SOX6: variants seen among roughly 807,000 people sequenced by gnomAD.
SOX6 encodes the protein transcription factor SOX-6.
SOX6 carries 11 observed loss-of-function variants against 97.8 expected under a neutral mutation model. The observed-to-expected ratio is 0.11, with a 90% CI of 0.07 to 0.19. The LOEUF is 0.19. SOX6 is among the 10% of genes least tolerant of loss of function. The pLI, the probability that SOX6 is intolerant of heterozygous loss-of-function variation, is 1.00. For synonymous variants in SOX6, 360 were observed against 371.4 expected, an observed-to-expected ratio of 0.97 and a Z score of 0.35; for missense variants, 810 against 1,039.5, an observed-to-expected ratio of 0.78 and a Z score of 3.04.
chr11:16,177,744 A>T (rs1851238392), intron 6 of SOX6, among the ~76,000 whole-genome samples: 1 of 145,252 alleles, frequency 6.9e-6, no homozygotes, highest in African/African-American at 2.5e-5. Context: ...AGGATCAAGG[A>T]AAAAAAAAAT....
intron 13 of SOX6, 105 bp from the exon 14 acceptor site, chr11:15,989,335 CTTCTT>C: frequency 1.2e-6 from 1 of 858,112 alleles, no homozygotes; most frequent in Non-Finnish European, 1.8e-6. Flanking sequence ...AGGTCCTCCT[CTTCTT>C]TTCTAAGTGA....
At chr11:16,231,057 T>C (rs1852832841) in intron 4 of SOX6, among the ~76,000 whole-genome samples, 3 of 151,726 alleles carry the variant, frequency 2.0e-5, no homozygotes, top group African/African-American at 4.8e-5. Flanking sequence ...ATTATATAGG[T>C]AAGTGTTTAA....
chr11:16,619,315 G>A (rs11023997), intron 3 of SOX6, among the ~76,000 whole-genome samples: 559 of 150,604 alleles, frequency 3.7e-3, no homozygotes, highest in Non-Finnish European at 7.0e-3. Context: ...CAGGCACCAT[G>A]CTCTGTGCTT....
intron 6 of SOX6, among the ~76,000 whole-genome samples, chr11:16,157,366 A>G (rs1850630287): frequency 6.6e-6 from 1 of 151,868 alleles, no homozygotes; most frequent in Admixed American, 6.6e-5. Flanking sequence ...TCTAACTCAG[A>G]CTCAATTTAC....
chr11:16,654,900 G>C (rs1206124251), intron 3 of SOX6, among the ~76,000 whole-genome samples: 5 of 152,146 alleles, frequency 3.3e-5, no homozygotes, highest in Non-Finnish European at 7.4e-5. Context: ...TGCTGAAGGG[G>C]CCTTATTCAT....
chr11:16,174,023 T>C (rs1851113029), intron 6 of SOX6, among the ~76,000 whole-genome samples: 1 of 148,856 alleles, frequency 6.7e-6, no homozygotes, highest in Admixed American at 6.8e-5. Context: ...TTTTTAACCT[T>C]TCCTTTGTTT....
intron 2 of SOX6, among the ~76,000 whole-genome samples, chr11:16,323,622 A>G (rs898233359): frequency 6.6e-6 from 1 of 152,110 alleles, no homozygotes; most frequent in African/African-American, 2.4e-5. Context: ...TCCTTGAAGC[A>G]CCCCTGACTA....
chr11:16,424,874 A>T (rs1859093909), intron 1 of SOX6, among the ~76,000 whole-genome samples: 1 of 151,966 alleles, frequency 6.6e-6, no homozygotes, highest in South Asian at 2.1e-4. Flanking sequence ...GAGGAAGGGG[A>T]GTTGGTGAGT....
At chr11:16,206,662 G>C (rs967340294) in intron 4 of SOX6, among the ~76,000 whole-genome samples, 1 of 152,126 alleles carries the variant, frequency 6.6e-6, no homozygotes, top group African/African-American at 2.4e-5. Flanking sequence ...TTCACATAGT[G>C]AGCACTCAAT....
intron 3 of SOX6, among the ~76,000 whole-genome samples, chr11:16,662,597 T>G (rs1847773918): frequency 6.6e-6 from 1 of 152,134 alleles, no homozygotes; most frequent in African/African-American, 2.4e-5. Flanking sequence ...CATTCAAAAA[T>G]CAATGATACC....
At chr11:16,422,744 C>A (rs34469046) in intron 1 of SOX6, among the ~76,000 whole-genome samples, 47,245 of 151,874 alleles carry the variant, frequency 0.31, 8,316 homozygotes, top group Non-Finnish European at 0.4. Context: ...GGAAAAGGCA[C>A]CTCCAAGGAA....
chr11:16,519,739 G>A (rs1861029185), intron 4 of SOX6, among the ~76,000 whole-genome samples: 1 of 152,122 alleles, frequency 6.6e-6, no homozygotes, highest in Non-Finnish European at 1.5e-5. Context: ...TGCTGGGTCA[G>A]ATAACGGTAG....
chr11:16,321,169 C>A (rs926966314), intron 2 of SOX6, among the ~76,000 whole-genome samples: 1 of 151,546 alleles, frequency 6.6e-6, no homozygotes, highest in Non-Finnish European at 1.5e-5. Context: ...TATTAGACAT[C>A]TGACCAAGGC....
At chr11:16,168,996 G>C (rs947204912) in intron 6 of SOX6, among the ~76,000 whole-genome samples, 7 of 152,068 alleles carry the variant, frequency 4.6e-5, no homozygotes, top group African/African-American at 7.2e-5. Flanking sequence ...ATACTGTTGC[G>C]TGTCTGACTT....
intron 1 of SOX6, among the ~76,000 whole-genome samples, chr11:16,416,451 C>A (rs1245398873): frequency 6.6e-6 from 1 of 152,048 alleles, no homozygotes; most frequent in Non-Finnish European, 1.5e-5. Flanking sequence ...TTCTAAAATA[C>A]CAGATTTGGA....
chr11:15,976,890 C>T (rs1853501806), intron 15 of SOX6, among the ~76,000 whole-genome samples: 1 of 152,060 alleles, frequency 6.6e-6, no homozygotes, highest in African/African-American at 2.4e-5. Context: ...CTAACTGAAA[C>T]TTGGCTCTCT....
chr11:16,188,872 G>A (rs1243820885), intron 4 of SOX6, among the ~76,000 whole-genome samples: 1 of 152,060 alleles, frequency 6.6e-6, no homozygotes, highest in Non-Finnish European at 1.5e-5. Flanking sequence ...AGACCAGCCT[G>A]ACCAATACGG....
chr11:16,097,208 T>G (rs952456298), intron 8 of SOX6, among the ~76,000 whole-genome samples: 1 of 151,876 alleles, frequency 6.6e-6, no homozygotes, highest in Non-Finnish European at 1.5e-5. Flanking sequence ...AACCCCTTAT[T>G]CTATGAGCTA....
At chr11:16,700,193 A>C (rs952116110) in intron 3 of SOX6, among the ~76,000 whole-genome samples, 1 of 152,220 alleles carries the variant, frequency 6.6e-6, no homozygotes, top group African/African-American at 2.4e-5. Flanking sequence ...TTGAATGAAA[A>C]TCTGAAACAT....
Sources: gnomAD v4.1 joint callset for allele counts (sites outside exome capture counted in the v4.1 genomes callset) on GRCh38, gnomAD v4.1.1 for gene constraint, MANE v1.5 for transcripts, NCBI Gene and HGNC (gene_info 2026-07-23, HGNC 2026-07-21) for gene names.